HIP1: variants seen among roughly 807,000 people sequenced by gnomAD.
HIP1 encodes huntingtin-interacting protein 1.
A neutral mutation model predicts 147.6 loss-of-function variants in HIP1; 65 were observed. The ratio of observed to expected loss-of-function variants is 0.44; its 90% CI spans 0.36 to 0.54. HIP1 has a LOEUF of 0.54. Among genes scored for constraint, HIP1 ranks in the 20% least tolerant of loss-of-function variants. The pLI is 0.00. For synonymous variants in HIP1, 479 were observed against 504.0 expected (o/e 0.95, Z 0.67); for missense variants, 1,061 against 1,299.6 (o/e 0.82, Z 2.82).
rs142389850 is a variant in HIP1 at position 75,716,612 on chromosome 7, C to T, written c.120+22189G>A. On this transcript the variant is annotated intron_variant, in intron 1 of 30. Coordinates refer to ENST00000336926, the MANE Select transcript of HIP1 (RefSeq NM_005338.7). ...TCGGCTCACTGCAAGCTCCGCCTCC[C>T]GGGTTCACACCATTCTCCTGCCTCA... 3.9e-3 allele frequency among the ~76,000 whole-genome samples: 591 copies of T among 151,468 alleles called. 17 individuals are homozygous for T. In the East Asian group the frequency reaches 0.075, roughly 19 times the overall value.
chr7:75,624,488 A>T (rs1229629681), intron 1 of HIP1, among the ~76,000 whole-genome samples: 2 of 151,954 alleles, frequency 1.3e-5, no homozygotes, highest in Non-Finnish European at 2.9e-5. Context: ...GCCGTGGGGG[A>T]GTCATCCAAC....
At chr7:75,697,160 G>A (rs1800666568) in intron 1 of HIP1, among the ~76,000 whole-genome samples, 1 of 152,110 alleles carries the variant, frequency 6.6e-6, no homozygotes, top group Admixed American at 6.6e-5. Context: ...GTCTATTCCT[G>A]CTGACCTGCA....
Position 75,729,305 on chromosome 7 carries a change from CAAAAAAA to C in HIP1, c.120+9489_120+9495del, listed in dbSNP as rs35202804. Among the ~76,000 whole-genome samples the C allele has an allele frequency of 3.5e-3, 174 of 49,194 alleles. 4 individuals are homozygous for C. Among genetic ancestry groups the C allele is most frequent in the South Asian group, 5.6e-3 (6 of 1,062 alleles). The allele number at this position is 49,194 out of a possible 152,430, so 32.3% of individuals were successfully genotyped here. ...GCAACGTAGTGAGATCTTGTCTCTG[CAAAAAAA>C]AAAAAAAAAAAAAAAAAAAAATTAA... is the stretch of plus-strand genomic sequence containing the variant. On this transcript the variant is annotated intron_variant, in intron 1 of 30. Transcript: ENST00000336926.
chr7:75,703,706 A>G (rs1297156650), intron 1 of HIP1, among the ~76,000 whole-genome samples: 1 of 152,206 alleles, frequency 6.6e-6, no homozygotes, highest in South Asian at 2.1e-4. Context: ...AGGCCATACT[A>G]TTCATCTACA....
At chr7:75,729,305 CAAAAAAAAAA>C (rs35202804) in intron 1 of HIP1, among the ~76,000 whole-genome samples, 6 of 49,188 alleles carry the variant, frequency 1.2e-4, no homozygotes, top group South Asian at 1.9e-3. Flanking sequence ...CTTGTCTCTG[CAAAAAAAAAA>C]AAAAAAAAAA....
chr7:75,547,874 T>A, intron 23 of HIP1, 61 bp from the exon 24 acceptor site: 1 of 1,439,078 alleles, frequency 6.9e-7, no homozygotes, highest in South Asian at 1.1e-5. Context: ...ACTAATGTCT[T>A]ACTATACTTT....
chr7:75,589,526 A>C (rs1796408573), intron 4 of HIP1, among the ~76,000 whole-genome samples: 1 of 151,632 alleles, frequency 6.6e-6, no homozygotes, highest in Non-Finnish European at 1.5e-5. Flanking sequence ...CTCCACTAAA[A>C]TATAAAAATT....
rs1163191581 is a variant in HIP1 at position 75,562,987 on chromosome 7, C to T, written c.968G>A (p.Ser323Asn). 1 of 1,614,082 alleles carries T rather than the reference C, an allele frequency of 6.2e-7. No individual in the cohort carries two copies. Among genetic ancestry groups the T allele is most frequent in the Non-Finnish European group, 8.5e-7 (1 of 1,180,048 alleles). The change falls in exon 11 of 31, where the codon AGC (serine) becomes AAC (asparagine). Residue 323 changes from serine to asparagine, a missense_variant. Ser to Asn is a conservative substitution (Grantham distance 46, BLOSUM62 1). Transcript: ENST00000336926. ...GTCATCCTTCTCTAGGACTGGCTCGCTGTCGGGGGATGAGGCCTCTGCAGG... is the reference window on the plus strand; with the variant it reads ...GTCATCCTTCTCTAGGACTGGCTCGTTGTCGGGGGATGAGGCCTCTGCAGG... ...VIPAEASSPD[S>N]EPVLEKDDLM...
chr7:75,596,235 CAAAAAAAAAA>C (rs10658504), intron 2 of HIP1, among the ~76,000 whole-genome samples: 1 of 59,604 alleles, frequency 1.7e-5, no homozygotes, highest in African/African-American at 6.6e-5. Context: ...GACCCTGCCT[CAAAAAAAAAA>C]AAAAAAAAAA....
At chr7:75,617,018 A>G (rs1377984030) in intron 1 of HIP1, among the ~76,000 whole-genome samples, 8 of 148,888 alleles carry the variant, frequency 5.4e-5, no homozygotes, top group Admixed American at 5.4e-4. Flanking sequence ...CAATCCTCCC[A>G]CCTCAGCCTC....
At chr7:75,599,838 CTTTT>C (rs11322113) in intron 1 of HIP1, among the ~76,000 whole-genome samples, 3 of 122,404 alleles carry the variant, frequency 2.5e-5, no homozygotes. Context: ...AAATCGTTAA[CTTTT>C]TTTTTTTTTT....
chr7:75,568,339 C>T lies in HIP1; in HGVS notation c.746-83G>A. On this transcript the variant is annotated intron_variant, in intron 8 of 30. Transcript: ENST00000336926. This position sits in a 1 kb window ranked among gnomAD's most constrained non-coding sequence, Gnocchi z 4.1. The stretch of plus-strand genomic sequence containing the variant: ...CAGCGGGGCTCTCGAGGGGGAGGGG[C>T]CCAGCTACCCTGGGGCATGTGGCCA... 1 of 889,104 alleles carries T rather than the reference C, an allele frequency of 1.1e-6. No homozygotes were observed. The highest frequency in any genetic ancestry group is 2.4e-5 in the East Asian group (1 of 41,538). 55.1% of individuals were successfully genotyped at this position (889,104 alleles called of 1,614,324 possible).
chr7:75,538,035 G>A lies in HIP1; in HGVS notation c.*137C>T, dbSNP rs1288904628. The A allele has an allele frequency of 5.4e-6, 4 of 744,346 alleles. No individual in the cohort carries two copies. Among genetic ancestry groups the A allele is most frequent in the East Asian group, 2.5e-5 (1 of 40,714 alleles). 46.1% of individuals were successfully genotyped at this position (744,346 alleles called of 1,614,324 possible). A position where few individuals can be genotyped will look rare whatever the true frequency, so the allele number is the denominator to read the frequency against. ...TGGAGGGAGTCTTTGGAAGTGTCAT[G>A]CATGTCCTCGGCACTGGGTAATGGC... On this transcript the variant is annotated 3_prime_UTR_variant, in exon 31 of 31. Transcript: ENST00000336926.
chr7:75,577,852 T>A (rs1381086127), intron 7 of HIP1, among the ~76,000 whole-genome samples: 1 of 151,988 alleles, frequency 6.6e-6, no homozygotes, highest in Admixed American at 6.6e-5. Context: ...GTACAAAAAT[T>A]AGCCGGGCGT....
At chr7:75,634,279 A>C (rs1175163775) in intron 1 of HIP1, among the ~76,000 whole-genome samples, 1 of 151,736 alleles carries the variant, frequency 6.6e-6, no homozygotes, top group African/African-American at 2.4e-5. Flanking sequence ...AAACCAACAA[A>C]AACAGATAGA....
chr7:75,568,941 G>A lies in HIP1; in HGVS notation c.746-685C>T, dbSNP rs1386489711. On this transcript the variant is annotated intron_variant, in intron 8 of 30. Coordinates refer to ENST00000336926, the MANE Select transcript of HIP1 (RefSeq NM_005338.7). This position sits in a 1 kb window ranked among gnomAD's most constrained non-coding sequence, Gnocchi z 4.1. ...GGAGAATTGCTTGAACCCAGCAGGCGGAAGTTGCAGTGAGCTGAGATTGCA... is the reference window on the plus strand; with the variant it reads ...GGAGAATTGCTTGAACCCAGCAGGCAGAAGTTGCAGTGAGCTGAGATTGCA... Among the ~76,000 whole-genome samples the A allele has an allele frequency of 2.0e-5, 3 of 152,268 alleles. No homozygotes were observed. The highest frequency in any genetic ancestry group is 3.4e-3 in the Middle Eastern group (1 of 292).
At chr7:75,717,757 G>A (rs1801367708) in intron 1 of HIP1, among the ~76,000 whole-genome samples, 1 of 151,484 alleles carries the variant, frequency 6.6e-6, no homozygotes, top group South Asian at 2.1e-4. Flanking sequence ...GATCACTTGA[G>A]GTCAGGAATT....
intron 23 of HIP1, among the ~76,000 whole-genome samples, chr7:75,548,143 C>T (rs1457433512): frequency 6.6e-6 from 1 of 152,160 alleles, no homozygotes; most frequent in African/African-American, 2.4e-5. Context: ...ATTCTTCTGC[C>T]TCAGCCTTCT....
chr7:75,686,843 CTTT>C (rs55942242), intron 1 of HIP1, among the ~76,000 whole-genome samples: 6 of 80,138 alleles, frequency 7.5e-5, no homozygotes, highest in African/African-American at 2.1e-4. Context: ...TATTTTAGTT[CTTT>C]TTTTTTTTTT....
Sources: allele counts gnomAD v4.1 joint callset (sites outside exome capture counted in the v4.1 genomes callset), GRCh38; gene constraint gnomAD v4.1.1; non-coding constraint Gnocchi (gnomAD v3.1); transcripts MANE v1.5; gene names NCBI Gene and HGNC (gene_info 2026-07-23, HGNC 2026-07-21).